Variants in TTBK2 observed in about 807,000 individuals in gnomAD.
TTBK2 encodes the protein tau tubulin kinase 2.
TTBK2 carries 28 observed loss-of-function variants against 110.8 expected under a neutral mutation model. The observed-to-expected ratio is 0.25, with a 90% CI of 0.19 to 0.35. The LOEUF (loss-of-function observed/expected upper bound fraction) is 0.35. Ranked by LOEUF, TTBK2 falls within the 10% of genes least tolerant of loss-of-function variation. The probability of loss-of-function intolerance (pLI) is 1.00; values close to 1 mark genes in which losing one functional copy is unlikely to be tolerated. For missense variants in TTBK2, 1,369 were observed against 1,500.3 expected (o/e 0.91, Z 1.45); for synonymous variants, 532 against 527.3 (o/e 1.01, Z -0.12).
rs534110691 is a variant in TTBK2, at chr15:42,774,275, T to A, written c.1998+860A>T. Among the ~76,000 whole-genome samples, 8 of 152,278 alleles carry A rather than the reference T, an allele frequency of 5.3e-5. No homozygotes were observed. In the East Asian group the frequency reaches 1.5e-3, roughly 29 times the overall value. On this transcript the variant is annotated intron_variant, in intron 13 of 14. Transcript: ENST00000267890. ...ATGGAATTTAAGGAAACCTGGTAGCTCTCATCACATAAGGACAGATGTACC... is the reference window on the plus strand; with the variant it reads ...ATGGAATTTAAGGAAACCTGGTAGCACTCATCACATAAGGACAGATGTACC...
Position 42,915,117 on chromosome 15 carries a change from G to A in TTBK2, c.-68+5321C>T, listed in dbSNP as rs570346785. Among the ~76,000 whole-genome samples, 9 of 152,332 alleles carry A rather than the reference G, an allele frequency of 5.9e-5. No individual in the cohort carries two copies. In the East Asian group the frequency reaches 7.7e-4, roughly 13 times the overall value. ...TCACTTTCTGCAGTTTCAGTTACCCGTGGTCAACCACAGTCCAAAAATATT... is the reference window on the plus strand; with the variant it reads ...TCACTTTCTGCAGTTTCAGTTACCCATGGTCAACCACAGTCCAAAAATATT... On this transcript the variant is annotated intron_variant, in intron 1 of 14. Coordinates refer to ENST00000267890, the MANE Select transcript of TTBK2 (RefSeq NM_173500.4).
intron 9 of TTBK2, chr15:42,798,351 CTCT>C: frequency 2.2e-6 from 1 of 455,584 alleles, no homozygotes; most frequent in Admixed American, 2.4e-5. Flanking sequence ...TGTCCCATAT[CTCT>C]TCATTGGTAA....
intron 13 of TTBK2, among the ~76,000 whole-genome samples, chr15:42,772,110 G>A (rs1205760224): frequency 6.6e-6 from 1 of 151,950 alleles, no homozygotes; most frequent in Non-Finnish European, 1.5e-5. Flanking sequence ...CTCATATATT[G>A]TACAGCGTTG....
At position 42,741,719 on chromosome 15, in the gene TTBK2, C is replaced by A. The variant is rs2061752515; in HGVS notation, c.*4076G>T. ...TTTTTAAAATATAAAAGACTTTGAT[C>A]TCCAAGACTAAATCTAGACTTATCT... On this transcript the variant is annotated 3_prime_UTR_variant, in exon 15 of 15. Coordinates refer to ENST00000267890, the MANE Select transcript of TTBK2 (RefSeq NM_173500.4). 1.3e-5 allele frequency: 2 copies of A among 152,178 alleles called. No homozygotes were observed. Among genetic ancestry groups the A allele is most frequent in the African/African-American group, 4.8e-5 (2 of 41,432 alleles). 9.4% of individuals were successfully genotyped at this position (152,178 alleles called of 1,614,324 possible).
At chr15:42,801,835 A>G (rs1891224107) in intron 9 of TTBK2, 5 of 899,606 alleles carry the variant, frequency 5.6e-6, no homozygotes, top group Admixed American at 3.4e-5. Flanking sequence ...GATGAGCACA[A>G]ATTCATTCTC....
chr15:42,848,989 A>G (rs938442773), intron 3 of TTBK2, among the ~76,000 whole-genome samples: 1 of 152,132 alleles, frequency 6.6e-6, no homozygotes, highest in Non-Finnish European at 1.5e-5. Context: ...TATATAGACA[A>G]TCATGTCATC....
chr15:42,801,970 T>C, intron 9 of TTBK2: 1 of 1,575,512 alleles, frequency 6.3e-7, no homozygotes, highest in Non-Finnish European at 8.6e-7. Context: ...CAGCTGCCAC[T>C]TAAGGTTGTT....
intron 1 of TTBK2, among the ~76,000 whole-genome samples, chr15:42,911,449 AG>A (rs1433253347): frequency 1.3e-5 from 2 of 152,234 alleles, no homozygotes; most frequent in Non-Finnish European, 2.9e-5. Flanking sequence ...CAAAAGAGGT[AG>A]AACATTCCTT....
intron 14 of TTBK2, among the ~76,000 whole-genome samples, chr15:42,748,586 T>G (rs1249767316): frequency 6.6e-6 from 1 of 152,074 alleles, no homozygotes; most frequent in African/African-American, 2.4e-5. Flanking sequence ...CGTGCCTGGC[T>G]AATTCTTGTA....
At chr15:42,898,019 A>G (rs943604871) in intron 1 of TTBK2, among the ~76,000 whole-genome samples, 19 of 152,168 alleles carry the variant, frequency 1.2e-4, no homozygotes, top group East Asian at 3.9e-4. Context: ...GTGAAACTCC[A>G]TATCTATAAA....
At position 42,908,856 on chromosome 15, in the gene TTBK2, C is replaced by T. The variant is rs142839114; in HGVS notation, c.-68+11582G>A. 2.3e-3 allele frequency among the ~76,000 whole-genome samples: 349 copies of T among 152,252 alleles called. 1 individual carries two copies. Among genetic ancestry groups the T allele is most frequent in the African/African-American group, 8.2e-3 (340 of 41,550 alleles). On this transcript the variant is annotated intron_variant, in intron 1 of 14. Coordinates refer to ENST00000267890, the MANE Select transcript of TTBK2 (RefSeq NM_173500.4). ...TCACATTGTCCATAAATGGTAAAAACTACAAACAACCCAAATGTCCAGCAA... is the reference window on the plus strand; with the variant it reads ...TCACATTGTCCATAAATGGTAAAAATTACAAACAACCCAAATGTCCAGCAA...
rs541352633 is a variant in TTBK2, at chr15:42,845,245, A to T, written c.218-4812T>A. The stretch of plus-strand genomic sequence containing the variant: ...GGGCTGAGGTGGGAAGTAGGATCAG[A>T]CAAGAAAAGTAAGCTAAAACCTTAT... On this transcript the variant is annotated intron_variant, in intron 3 of 14. Coordinates refer to ENST00000267890, the MANE Select transcript of TTBK2 (RefSeq NM_173500.4). 8.5e-5 allele frequency among the ~76,000 whole-genome samples: 13 copies of T among 152,302 alleles called. No homozygotes were observed. In the South Asian group the frequency reaches 2.7e-3, roughly 32 times the overall value.
At chr15:42,755,949 G>A (rs189773093) in intron 13 of TTBK2, among the ~76,000 whole-genome samples, 6 of 152,162 alleles carry the variant, frequency 3.9e-5, no homozygotes, top group South Asian at 2.1e-4. Context: ...TAATCCCAGC[G>A]CTCTGGGGGG....
chr15:42,801,292 G>A (rs374374932), intron 9 of TTBK2: 3 of 1,537,114 alleles, frequency 2.0e-6, no homozygotes, highest in South Asian at 1.2e-5. Context: ...ATCAGCTCCT[G>A]GTACTCACGC....
chr15:42,817,756 C>A (rs979470522), intron 6 of TTBK2, among the ~76,000 whole-genome samples: 1 of 152,148 alleles, frequency 6.6e-6, no homozygotes, highest in Non-Finnish European at 1.5e-5. Context: ...GCATTTGTCT[C>A]CTTCCACAAT....
In TTBK2 at chr15:42,904,983, C is replaced by G. The variant is rs187856981; in HGVS notation, c.-68+15455G>C. Among the ~76,000 whole-genome samples, 44 of 152,080 alleles carry G rather than the reference C, an allele frequency of 2.9e-4. No homozygotes were observed. The East Asian group carries it at 7.6e-3, about 26-fold the overall frequency. ...GCCTTCTGGGCTCAAGTGATCCTCC[C>G]ACCTCAGCTTCCCAAGTAGCTGGGA... On this transcript the variant is annotated intron_variant, in intron 1 of 14. Transcript: ENST00000267890.
chr15:42,777,651 C>A (rs1889992347), intron 11 of TTBK2, among the ~76,000 whole-genome samples: 1 of 152,158 alleles, frequency 6.6e-6, no homozygotes, highest in Non-Finnish European at 1.5e-5. Flanking sequence ...AGTCGCTATA[C>A]CTCTTTTCTC....
intron 3 of TTBK2, among the ~76,000 whole-genome samples, chr15:42,842,959 G>GA (rs1481701272): frequency 9.9e-5 from 15 of 152,228 alleles, no homozygotes; most frequent in Non-Finnish European, 1.9e-4. Flanking sequence ...AGGATAAAAT[G>GA]ATGGTCATTA....
At chr15:42,896,918 G>A (rs751731887) in intron 1 of TTBK2, among the ~76,000 whole-genome samples, 3 of 147,232 alleles carry the variant, frequency 2.0e-5, no homozygotes, top group Non-Finnish European at 4.5e-5. Flanking sequence ...TGCTCTTGTC[G>A]CCCAGGCTGG....
Sources: allele counts gnomAD v4.1 joint callset (sites outside exome capture counted in the v4.1 genomes callset), GRCh38; gene constraint gnomAD v4.1.1; transcripts MANE v1.5; gene names NCBI Gene and HGNC (gene_info 2026-07-23, HGNC 2026-07-21).